PPCS: variants seen among roughly 807,000 people sequenced by gnomAD.
PPCS encodes phosphopantothenate--cysteine ligase.
A neutral mutation model predicts 24.6 loss-of-function variants in PPCS; 17 were observed. The ratio of observed to expected loss-of-function variants is 0.69; its 90% CI spans 0.47 to 1.04. The LOEUF is 1.04. PPCS is among the 50% of genes least tolerant of loss of function. The pLI is 0.00. For synonymous variants in PPCS, 190 were observed against 168.3 expected, an observed-to-expected ratio of 1.13 and a Z score of -1.00; for missense variants, 360 against 402.8, an observed-to-expected ratio of 0.89 and a Z score of 0.91.
chr1:42,462,222 G>T (rs1429308408), downstream of PPCS, among the ~76,000 whole-genome samples: 5 of 152,156 alleles, frequency 3.3e-5, no homozygotes, highest in African/African-American at 9.7e-5. Context: ...CCAGGGGGGT[G>T]GGGGAGAGTG....
At chr1:42,470,856 T>C (rs1043082138) in intron 2 of PPCS, among the ~76,000 whole-genome samples, 3 of 152,182 alleles carry the variant, frequency 2.0e-5, no homozygotes, top group African/African-American at 7.2e-5. Flanking sequence ...TTTGGCATAA[T>C]GAAAAATTTC....
In PPCS at chr1:42,460,116, T is replaced by C. The variant is rs1643371230; in HGVS notation, c.*190T>C. The C allele has an allele frequency of 3.7e-6, 5 of 1,358,778 alleles. No individual in the cohort carries two copies. The highest frequency in any genetic ancestry group is 4.7e-6 in the Non-Finnish European group (5 of 1,060,346). 84.2% of individuals were successfully genotyped at this position (1,358,778 alleles called of 1,614,324 possible). A position where few individuals can be genotyped will look rare whatever the true frequency, so the allele number is the denominator to read the frequency against. On this transcript the variant is annotated 3_prime_UTR_variant, in exon 3 of 3. Transcript: ENST00000372561. ...ATATGATGTCATTTTGATTTTGAAA[T>C]TGAACACTAGAACTGTTAATCACCT...
chr1:42,464,366 G>T (rs996150934), downstream of PPCS: 15 of 152,198 alleles, frequency 9.9e-5, no homozygotes, highest in Non-Finnish European at 1.9e-4. Flanking sequence ...GTTTATCAAT[G>T]TGAAAAGGGC....
At chr1:42,462,052 A>C (rs16829555), downstream of PPCS, among the ~76,000 whole-genome samples, 6,198 of 152,280 alleles carry the variant, frequency 0.041, 423 homozygotes, top group African/African-American at 0.14. Flanking sequence ...AGTGATCTTA[A>C]TGTTTGTCTT....
chr1:42,461,728 G>A (rs575251886), downstream of PPCS, among the ~76,000 whole-genome samples: 1 of 151,858 alleles, frequency 6.6e-6, no homozygotes, highest in South Asian at 2.1e-4. Flanking sequence ...TGCATTTTTA[G>A]TAGAGATGGG....
At chr1:42,467,138 C>T (rs541504489) in intron 2 of PPCS, among the ~76,000 whole-genome samples, 59 of 152,240 alleles carry the variant, frequency 3.9e-4, no homozygotes, top group African/African-American at 1.3e-3. Flanking sequence ...CGGCAGAAGA[C>T]AAGGCTAGAG....
In PPCS at chr1:42,457,732, C is replaced by T. The variant is rs1359361186; in HGVS notation, c.612+382C>T. Among the ~76,000 whole-genome samples, 3 of 152,128 alleles carry T rather than the reference C, an allele frequency of 2.0e-5. No individual in the cohort carries two copies. In the East Asian group the frequency reaches 5.8e-4, roughly 29 times the overall value. On this transcript the variant is annotated intron_variant, in intron 2 of 2. Transcript: ENST00000372561. The stretch of plus-strand genomic sequence containing the variant: ...CTTTGGGAGGCCAAGGAGGGCAGAT[C>T]GCCTGAGGTCAGGAGTTCGAGACCA...
Position 42,459,924 on chromosome 1 carries a change from T to C in PPCS, c.934T>C (p.Ter312ArgextTer6), listed in dbSNP as rs952234267. 2.5e-6 allele frequency: 4 copies of C among 1,601,698 alleles called. No individual in the cohort carries two copies. The highest frequency in any genetic ancestry group is 1.3e-5 in the African/African-American group (1 of 74,074). Residue 312 changes from the stop codon to arginine, a stop_lost, in exon 3 of 3, where the codon TGA becomes CGA. Coordinates refer to ENST00000372561, the MANE Select transcript of PPCS (RefSeq NM_024664.4). The stretch of plus-strand genomic sequence containing the variant: ...CACAGCTTTTATAGGTGACAGAAAC[T>C]GAAGTAAAAAGCCCTTATAGGATCA... ...RHTAFIGDRN[*>R]
chr1:42,468,613 A>G (rs1202534261), intron 2 of PPCS: 4 of 152,256 alleles, frequency 2.6e-5, no homozygotes, highest in African/African-American at 4.8e-5. Context: ...ACTCACCTGT[A>G]TTTGTTCCAA....
downstream of PPCS, chr1:42,463,196 A>C (rs761519001): frequency 7.2e-5 from 11 of 152,240 alleles, no homozygotes; most frequent in Admixed American, 1.3e-4. Context: ...CAGTCTCCAC[A>C]AGAACCACAG....
At position 42,459,905 on chromosome 1, in the gene PPCS, T is replaced by A. The variant is rs1414613361; in HGVS notation, c.915T>A (p.Ala305=). ...IVDNLQSRHT[A]FIGDRN The stretch of plus-strand genomic sequence containing the variant: ...ATAATCTTCAGTCTCGACACACAGC[T>A]TTTATAGGTGACAGAAACTGAAGTA... The change falls in exon 3 of 3, where the codon GCT becomes GCA. Residue 305 remains alanine, a synonymous_variant. Transcript: ENST00000372561. The A allele has an allele frequency of 6.2e-7, 1 of 1,608,052 alleles. No homozygotes were observed. The highest frequency in any genetic ancestry group is 8.5e-7 in the Non-Finnish European group (1 of 1,176,378).
Position 42,457,067 on chromosome 1 carries a change from C to T in PPCS, c.502C>T (p.Pro168Ser). ...GCAGGCTGCGGCCCAGGCACTCAAT[C>T]CGCTAGGTGCGTGCCCTAGGAGTAC... ...LLQAAAQALN[P>S]LGPSAMFYLA... The change falls in exon 1 of 3, where the codon CCG becomes TCG. Residue 168 changes from proline (P) to serine (S), a missense_variant. Coordinates refer to ENST00000372561, the MANE Select transcript of PPCS (RefSeq NM_024664.4). 6.3e-7 allele frequency: 1 copy of T among 1,594,368 alleles called. No individual in the cohort carries two copies. Among genetic ancestry groups the T allele is most frequent in the East Asian group, 2.2e-5 (1 of 44,800 alleles).
rs187060100 is a variant in PPCS, at chr1:42,460,121, C to T, written c.*195C>T. On this transcript the variant is annotated 3_prime_UTR_variant, in exon 3 of 3. Transcript: ENST00000372561. ...ATGTCATTTTGATTTTGAAATTGAA[C>T]ACTAGAACTGTTAATCACCTTTAAA... The T allele has an allele frequency of 2.0e-5, 27 of 1,346,770 alleles. No individual in the cohort carries two copies. The highest frequency in any genetic ancestry group is 2.6e-5 in the Non-Finnish European group (27 of 1,053,866). The allele number at this position is 1,346,770 out of a possible 1,614,324, so 83.4% of individuals were successfully genotyped here.
At chr1:42,471,338 C>A (rs1643764275) in intron 2 of PPCS, among the ~76,000 whole-genome samples, 1 of 152,172 alleles carries the variant, frequency 6.6e-6, no homozygotes, top group Non-Finnish European at 1.5e-5. Context: ...GGGCAAGCAA[C>A]CCACAGTACA....
chr1:42,457,066 T>G lies in PPCS; in HGVS notation c.501T>G (p.Asn167Lys). The G allele has an allele frequency of 6.3e-7, 1 of 1,595,884 alleles. No individual in the cohort carries two copies. Among genetic ancestry groups the G allele is most frequent in the South Asian group, 1.1e-5 (1 of 89,598 alleles). Residue 167 changes from asparagine (N) to lysine (K), a missense_variant, in exon 1 of 3, where the codon AAT becomes AAG. Asn to Lys is a moderately conservative substitution (Grantham distance 94, BLOSUM62 0). This residue lies in a region of PPCS where 244 missense variants were observed against 234.7 expected (regional missense o/e 1.04). Coordinates refer to ENST00000372561, the MANE Select transcript of PPCS (RefSeq NM_024664.4). ...TGCAGGCTGCGGCCCAGGCACTCAA[T>G]CCGCTAGGTGCGTGCCCTAGGAGTA... ...HLLQAAAQAL[N>K]PLGPSAMFYL...
intron 2 of PPCS, among the ~76,000 whole-genome samples, chr1:42,472,272 G>A (rs952071451): frequency 6.6e-6 from 1 of 151,998 alleles, no homozygotes; most frequent in Admixed American, 6.6e-5. Flanking sequence ...AAAATAGTTA[G>A]TGGCTCTAGT....
chr1:42,460,361 T>TA lies in PPCS; in HGVS notation c.*442dup. On this transcript the variant is annotated 3_prime_UTR_variant, in exon 3 of 3. Coordinates refer to ENST00000372561, the MANE Select transcript of PPCS (RefSeq NM_024664.4). The stretch of plus-strand genomic sequence containing the variant: ...ATATCTTGTTTAGGAAATGGATGTA[T>TA]AAAAAAATCAAGTGCAATAAAGTGT... The TA allele has an allele frequency of 6.1e-6, 6 of 987,158 alleles. No homozygotes were observed. The highest frequency in any genetic ancestry group is 7.2e-6 in the Non-Finnish European group (6 of 830,756). 61.1% of individuals were successfully genotyped at this position (987,158 alleles called of 1,614,324 possible).
At chr1:42,466,161 AC>A (rs1279535706), downstream of PPCS, among the ~76,000 whole-genome samples, 2 of 152,208 alleles carry the variant, frequency 1.3e-5, no homozygotes, top group Non-Finnish European at 2.9e-5. Flanking sequence ...GTGAAAAGTC[AC>A]CTGACAGCAT....
At chr1:42,457,539 A>C in intron 2 of PPCS, 189 bp downstream of exon 2, 1 of 607,900 alleles carries the variant, frequency 1.6e-6, no homozygotes, top group Non-Finnish European at 2.9e-6. Context: ...ACATAATTAC[A>C]ATACAGAGTG....
Sources: allele counts gnomAD v4.1 joint callset (sites outside exome capture counted in the v4.1 genomes callset), GRCh38; gene constraint gnomAD v4.1.1; regional missense constraint gnomAD v4.1.1; transcripts MANE v1.5; gene names NCBI Gene and HGNC (gene_info 2026-07-23, HGNC 2026-07-21).